Variants in PPP1R3A observed in about 807,000 individuals in gnomAD.
The protein encoded by PPP1R3A is protein phosphatase 1 regulatory subunit 3A.
Under a neutral mutation model 41.7 loss-of-function variants are expected in PPP1R3A, and 29 were observed. The observed-to-expected ratio is 0.70, with a 90% CI of 0.52 to 0.95. PPP1R3A has a LOEUF of 0.95. Among genes scored for constraint, PPP1R3A ranks in the 40% least tolerant of loss-of-function variants. The pLI, the probability that PPP1R3A is intolerant of heterozygous loss-of-function variation, is 0.00. For missense variants in PPP1R3A, 1,352 were observed against 1,292.4 expected (o/e 1.05, Z -0.71); for synonymous variants, 485 against 453.4 (o/e 1.07, Z -0.89).
chr7:113,899,755 T>G (rs1181660146), intron 1 of PPP1R3A, among the ~76,000 whole-genome samples: 1 of 151,792 alleles, frequency 6.6e-6, no homozygotes, highest in Non-Finnish European at 1.5e-5. Context: ...TGTAGTTGGA[T>G]CTGGGTGTGG....
chr7:113,877,996 T>C lies in PPP1R3A; in HGVS notation c.3096A>G (p.Val1032=), dbSNP rs1796601387. 1 of 1,613,232 alleles carries C rather than the reference T, an allele frequency of 6.2e-7. No individual in the cohort carries two copies. The highest frequency in any genetic ancestry group is 8.5e-7 in the Non-Finnish European group (1 of 1,179,634). The change falls in exon 4 of 4, where the codon GTA becomes GTG. Residue 1032 remains valine (V), a synonymous_variant. Coordinates refer to ENST00000284601, the MANE Select transcript of PPP1R3A (RefSeq NM_002711.4). The part of the protein sequence containing the change: ...EEARHENEGL[V]SSGQSLYTSG... ...AAGTGTATAGTGATTGCCCAGAGCT[T>C]ACTAATCCTTCATTTTCATGCCTTG...
chr7:113,909,967 G>A (rs1450964261), intron 1 of PPP1R3A, among the ~76,000 whole-genome samples: 1 of 152,072 alleles, frequency 6.6e-6, no homozygotes, highest in African/African-American at 2.4e-5. Context: ...ATAAAGGAAA[G>A]AGGTTTAATG....
chr7:113,883,759 C>G (rs956001524), intron 1 of PPP1R3A, among the ~76,000 whole-genome samples: 1 of 151,822 alleles, frequency 6.6e-6, no homozygotes, highest in African/African-American at 2.4e-5. Context: ...GTCTCTATTC[C>G]CATACAATAC....
intron 1 of PPP1R3A, among the ~76,000 whole-genome samples, chr7:113,891,902 G>A (rs1796897911): frequency 6.6e-6 from 1 of 151,990 alleles, no homozygotes. Context: ...TACCCAACCA[G>A]TTAAGGTGAA....
At chr7:113,892,094 A>T (rs1796900757) in intron 1 of PPP1R3A, among the ~76,000 whole-genome samples, 1 of 152,030 alleles carries the variant, frequency 6.6e-6, no homozygotes, top group African/African-American at 2.4e-5. Flanking sequence ...CTTGGGCATC[A>T]CCTCTCACTC....
At chr7:113,909,054 T>C (rs897414483) in intron 1 of PPP1R3A, among the ~76,000 whole-genome samples, 3 of 151,848 alleles carry the variant, frequency 2.0e-5, no homozygotes, top group Non-Finnish European at 4.4e-5. Context: ...ATTTACAATA[T>C]GAGGAATGGA....
chr7:113,893,066 G>A (rs1291099756), intron 1 of PPP1R3A, among the ~76,000 whole-genome samples: 1 of 151,890 alleles, frequency 6.6e-6, no homozygotes, highest in African/African-American at 2.4e-5. Flanking sequence ...CTTCCTTGCT[G>A]CGGTCATATT....
rs548233963 is a variant in PPP1R3A, at chr7:113,916,559, T to G, written c.782+1656A>C. Among the ~76,000 whole-genome samples the G allele has an allele frequency of 5.9e-5, 9 of 152,166 alleles. No individual in the cohort carries two copies. The East Asian group carries it at 1.2e-3, about 20-fold the overall frequency. ...GTATTGCTTGAATTTTAAAACTGCA[T>G]TAAATTGCAGAAAAATCCGCTGAGT... On this transcript the variant is annotated intron_variant, in intron 1 of 3. Transcript: ENST00000284601.
intron 1 of PPP1R3A, among the ~76,000 whole-genome samples, chr7:113,915,171 C>T (rs906815708): frequency 3.3e-5 from 5 of 151,978 alleles, no homozygotes; most frequent in African/African-American, 1.2e-4. Flanking sequence ...CCAAAGTGTA[C>T]AGACTATCAG....
intron 1 of PPP1R3A, among the ~76,000 whole-genome samples, chr7:113,916,818 A>G (rs1332071286): frequency 6.6e-6 from 1 of 152,070 alleles, no homozygotes; most frequent in African/African-American, 2.4e-5. Context: ...ATAAACATCT[A>G]AATTATTATT....
chr7:113,886,992 T>A (rs1201837510), intron 1 of PPP1R3A, among the ~76,000 whole-genome samples: 2 of 152,132 alleles, frequency 1.3e-5, no homozygotes, highest in Non-Finnish European at 2.9e-5. Context: ...AATAGTGGCA[T>A]AAGAAATGCT....
At chr7:113,911,481 T>A (rs1382867514) in intron 1 of PPP1R3A, among the ~76,000 whole-genome samples, 1 of 152,148 alleles carries the variant, frequency 6.6e-6, no homozygotes, top group Non-Finnish European at 1.5e-5. Context: ...TTCAATTTCA[T>A]CTTCTATTCA....
chr7:113,907,007 T>C (rs925537546), intron 1 of PPP1R3A, among the ~76,000 whole-genome samples: 4 of 151,622 alleles, frequency 2.6e-5, no homozygotes, highest in Non-Finnish European at 4.4e-5. Flanking sequence ...AATGGAATAG[T>C]AAGAGACAAG....
At chr7:113,910,224 A>G (rs1797221607) in intron 1 of PPP1R3A, among the ~76,000 whole-genome samples, 2 of 152,110 alleles carry the variant, frequency 1.3e-5, no homozygotes, top group African/African-American at 2.4e-5. Context: ...TCAAGGTAAG[A>G]TTTGGATGGG....
Position 113,894,090 on chromosome 7 carries a change from A to G in PPP1R3A, c.783-11770T>C, listed in dbSNP as rs1226582493. 2.0e-5 allele frequency among the ~76,000 whole-genome samples: 3 copies of G among 151,966 alleles called. No homozygotes were observed. In the East Asian group the frequency reaches 5.8e-4, roughly 30 times the overall value. On this transcript the variant is annotated intron_variant, in intron 1 of 3. Coordinates refer to ENST00000284601, the MANE Select transcript of PPP1R3A (RefSeq NM_002711.4). ...ACTTAATTCTCTGATTGGATTGGGC[A>G]CCATGTGCAATTCTGTAGAGCTGTG...
At position 113,877,722 on chromosome 7, in the gene PPP1R3A, G is replaced by A. The variant is rs747626280; in HGVS notation, c.*1C>T. 4 of 1,542,964 alleles carry A rather than the reference G, an allele frequency of 2.6e-6. No individual in the cohort carries two copies. Among genetic ancestry groups the A allele is most frequent in the Non-Finnish European group, 3.5e-6 (4 of 1,149,364 alleles). The stretch of plus-strand genomic sequence containing the variant: ...TTTAAGAGAGAATAGTAGTGCTGAG[G>A]TTACTTCTTTTTGACAGACTCTTTT... On this transcript the variant is annotated 3_prime_UTR_variant, in exon 4 of 4. Coordinates refer to ENST00000284601, the MANE Select transcript of PPP1R3A (RefSeq NM_002711.4).
chr7:113,894,329 A>G (rs956009313), intron 1 of PPP1R3A, among the ~76,000 whole-genome samples: 2 of 152,012 alleles, frequency 1.3e-5, no homozygotes, highest in African/African-American at 4.8e-5. Flanking sequence ...TCGAGAGAAA[A>G]ATACAAATGT....
intron 1 of PPP1R3A, among the ~76,000 whole-genome samples, chr7:113,904,788 G>A (rs1584418289): frequency 6.6e-6 from 1 of 151,560 alleles, no homozygotes. Context: ...ATATTCTATT[G>A]TACTAAAAAC....
At chr7:113,899,343 A>C (rs1797026781) in intron 1 of PPP1R3A, among the ~76,000 whole-genome samples, 1 of 151,794 alleles carries the variant, frequency 6.6e-6, no homozygotes, top group Non-Finnish European at 1.5e-5. Flanking sequence ...TGAAAATGCC[A>C]CGCTGTGTGA....
Sources: allele counts gnomAD v4.1 joint callset (sites outside exome capture counted in the v4.1 genomes callset), GRCh38; gene constraint gnomAD v4.1.1; transcripts MANE v1.5; gene names NCBI Gene and HGNC (gene_info 2026-07-23, HGNC 2026-07-21).